Variants in GRIP1 observed in about 807,000 individuals in gnomAD.
The protein encoded by GRIP1 is glutamate receptor-interacting protein 1.
GRIP1 carries 45 observed loss-of-function variants against 129.9 expected under a neutral mutation model. The observed-to-expected ratio is 0.35, with a 90% CI of 0.27 to 0.44. The LOEUF is 0.44. Among genes scored for constraint, GRIP1 ranks in the 20% least tolerant of loss-of-function variants. The pLI, the probability that GRIP1 is intolerant of heterozygous loss-of-function variation, is 1.00. For missense variants in GRIP1, 1,196 were observed against 1,396.8 expected (o/e 0.86, Z 2.29); for synonymous variants, 530 against 520.8 (o/e 1.02, Z -0.24).
rs183515953 is a variant in GRIP1, at chr12:66,415,421, C to G, written c.1838+5299G>C. Among the ~76,000 whole-genome samples the G allele has an allele frequency of 1.6e-3, 248 of 152,252 alleles. 3 individuals carry two copies. Among genetic ancestry groups the G allele is most frequent in the Admixed American group, 0.014 (217 of 15,290 alleles). On this transcript the variant is annotated intron_variant, in intron 15 of 24. Transcript: ENST00000359742. Reference sequence around the variant, plus strand: ...CAATTACGAAAAAGTCAAGCAACAACAGATGCCGGTGAGGTTGCAGAGAAA... The same window carrying G: ...CAATTACGAAAAAGTCAAGCAACAAGAGATGCCGGTGAGGTTGCAGAGAAA...
chr12:66,749,594 C>T (rs6581715), intron 1 of GRIP1, among the ~76,000 whole-genome samples: 4 of 152,156 alleles, frequency 2.6e-5, no homozygotes, highest in South Asian at 4.1e-4. Context: ...AGTAGTTAGA[C>T]TTCCTGTGGC....
chr12:66,741,698 T>A (rs929699168), intron 1 of GRIP1, among the ~76,000 whole-genome samples: 1 of 152,208 alleles, frequency 6.6e-6, no homozygotes, highest in Non-Finnish European at 1.5e-5. Flanking sequence ...TTGCTAAGAT[T>A]TGGAATCTGG....
At chr12:66,734,825 C>T (rs1005819061) in intron 1 of GRIP1, among the ~76,000 whole-genome samples, 8 of 151,988 alleles carry the variant, frequency 5.3e-5, no homozygotes, top group Non-Finnish European at 1.0e-4. Context: ...AAAGAAACAT[C>T]GCTAGACTAA....
At chr12:66,841,832 G>C (rs1372321384) in intron 1 of GRIP1, among the ~76,000 whole-genome samples, 2 of 152,098 alleles carry the variant, frequency 1.3e-5, no homozygotes, top group Non-Finnish European at 2.9e-5. Flanking sequence ...CCTAGCACAA[G>C]GCTTATATTT....
At chr12:66,478,882 G>A (rs2059708961) in intron 7 of GRIP1, among the ~76,000 whole-genome samples, 1 of 152,066 alleles carries the variant, frequency 6.6e-6, no homozygotes. Flanking sequence ...CCTGTTATGG[G>A]GTGCAGCAAT....
intron 1 of GRIP1, among the ~76,000 whole-genome samples, chr12:66,959,415 T>C (rs1238749469): frequency 6.6e-6 from 1 of 152,210 alleles, no homozygotes; most frequent in African/African-American, 2.4e-5. Context: ...TGATGTATTA[T>C]TGATTCTGAC....
rs1216049274 is a variant in GRIP1 at position 66,583,841 on chromosome 12, T to A, written c.136+13006A>T. Among the ~76,000 whole-genome samples, 6 of 134,538 alleles carry A rather than the reference T, an allele frequency of 4.5e-5. 1 individual carries two copies. The highest frequency in any genetic ancestry group is 2.2e-4 in the East Asian group (1 of 4,514). The allele number at this position is 134,538 out of a possible 152,430, so 88.3% of individuals were successfully genotyped here. The stretch of plus-strand genomic sequence containing the variant: ...TAAACTAGTTCAACCATTGTGGAAG[T>A]CAGTGTGGCGATTCCTCAGGGATCT... On this transcript the variant is annotated intron_variant, in intron 2 of 24. Coordinates refer to ENST00000359742, the MANE Select transcript of GRIP1 (RefSeq NM_001366722.1).
chr12:66,653,499 G>A (rs1168263216), intron 1 of GRIP1, among the ~76,000 whole-genome samples: 2 of 152,180 alleles, frequency 1.3e-5, no homozygotes, highest in Non-Finnish European at 2.9e-5. Flanking sequence ...CTAATCTCAT[G>A]TAGTAGAATA....
intron 11 of GRIP1, among the ~76,000 whole-genome samples, chr12:66,446,860 T>C (rs2058644449): frequency 6.6e-6 from 1 of 152,212 alleles, no homozygotes; most frequent in African/African-American, 2.4e-5. Flanking sequence ...TGAATAGATC[T>C]TCAAGATCTC....
At chr12:66,595,559 G>A (rs1164795552) in intron 2 of GRIP1, among the ~76,000 whole-genome samples, 1 of 152,158 alleles carries the variant, frequency 6.6e-6, no homozygotes, top group Non-Finnish European at 1.5e-5. Context: ...CTTCAAACGG[G>A]ATATTTCTTT....
intron 2 of GRIP1, among the ~76,000 whole-genome samples, chr12:66,570,128 T>C (rs1302884888): frequency 6.6e-6 from 1 of 151,864 alleles, no homozygotes; most frequent in African/African-American, 2.4e-5. Context: ...TGTATGTATG[T>C]ATATATTAGA....
At chr12:66,734,613 GA>G (rs1246786545) in intron 1 of GRIP1, among the ~76,000 whole-genome samples, 1 of 152,172 alleles carries the variant, frequency 6.6e-6, no homozygotes, top group African/African-American at 2.4e-5. Flanking sequence ...AATGATTTGT[GA>G]GGAACAAGAT....
At chr12:66,893,914 T>C (rs890689562) in intron 1 of GRIP1, among the ~76,000 whole-genome samples, 5 of 152,150 alleles carry the variant, frequency 3.3e-5, no homozygotes, top group Non-Finnish European at 7.3e-5. Context: ...AAAGACCCTA[T>C]ACAACCCAGC....
At chr12:66,640,640 C>G (rs2031836193) in intron 1 of GRIP1, among the ~76,000 whole-genome samples, 1 of 152,116 alleles carries the variant, frequency 6.6e-6, no homozygotes, top group Admixed American at 6.5e-5. Flanking sequence ...GAAAGAAGAA[C>G]AACTCTCACA....
At chr12:66,611,809 A>AC (rs11388506) in intron 1 of GRIP1, among the ~76,000 whole-genome samples, 152,295 of 152,298 alleles carry the variant, frequency 1, 76,146 homozygotes, top group Non-Finnish European at 1. Flanking sequence ...TACGGTTTAT[A>AC]CAACAGAGTG....
chr12:66,691,891 T>G (rs1289869283), intron 1 of GRIP1, among the ~76,000 whole-genome samples: 2 of 152,182 alleles, frequency 1.3e-5, no homozygotes, highest in African/African-American at 2.4e-5. Flanking sequence ...TAAGACCCAC[T>G]GCTCACAGGA....
chr12:66,636,977 G>A (rs1463070007), intron 1 of GRIP1, among the ~76,000 whole-genome samples: 1 of 152,096 alleles, frequency 6.6e-6, no homozygotes, highest in Non-Finnish European at 1.5e-5. Context: ...GTGGAGCAAC[G>A]GGTGTCACAT....
intron 4 of GRIP1, among the ~76,000 whole-genome samples, chr12:66,536,726 A>T (rs2061615951): frequency 6.6e-6 from 1 of 152,092 alleles, no homozygotes; most frequent in African/African-American, 2.4e-5. Flanking sequence ...ATAATTATTT[A>T]TTATGGTTTT....
chr12:67,053,424 T>C (rs1014826124), intron 1 of GRIP1, among the ~76,000 whole-genome samples: 6 of 152,240 alleles, frequency 3.9e-5, no homozygotes, highest in South Asian at 2.1e-4. Flanking sequence ...TGGCAGGCAA[T>C]GTGGACACAA....
Sources: allele counts gnomAD v4.1 joint callset (sites outside exome capture counted in the v4.1 genomes callset), GRCh38; gene constraint gnomAD v4.1.1; transcripts MANE v1.5; gene names NCBI Gene and HGNC (gene_info 2026-07-23, HGNC 2026-07-21).